The following GPA33 variants were observed in gnomAD, a reference collection of about 807,000 sequenced individuals.
GPA33 encodes cell surface A33 antigen.
In GPA33, 27 loss-of-function variants were observed where a neutral mutation model predicts 35.6. The observed-to-expected ratio is 0.76, with a 90% CI of 0.56 to 1.04. The LOEUF (loss-of-function observed/expected upper bound fraction) is 1.04. GPA33 is among the 50% of genes least tolerant of loss of function. The pLI is 0.00. For synonymous variants in GPA33, 176 were observed against 164.0 expected (o/e 1.07, Z -0.56); for missense variants, 428 against 411.9 (o/e 1.04, Z -0.34).
chr1:167,078,232 C>G (rs145781420), intron 1 of GPA33, among the ~76,000 whole-genome samples: 160 of 152,328 alleles, frequency 1.1e-3, no homozygotes, highest in African/African-American at 3.6e-3. Flanking sequence ...AAACCAGCCC[C>G]CTGCTCTACT....
intron 2 of GPA33, among the ~76,000 whole-genome samples, chr1:167,071,656 C>T (rs1010314886): frequency 3.3e-5 from 5 of 152,100 alleles, no homozygotes; most frequent in East Asian, 3.9e-4. Flanking sequence ...CCATGGATAC[C>T]GGTCCTTCCC....
intron 1 of GPA33, chr1:167,082,455 C>T (rs1666968633): frequency 2.6e-6 from 1 of 380,084 alleles, no homozygotes; most frequent in South Asian, 2.0e-5. Flanking sequence ...ACAGAGGATC[C>T]TGAGCAGATT....
intron 1 of GPA33, among the ~76,000 whole-genome samples, chr1:167,088,529 G>A (rs3820389): frequency 0.41 from 62,619 of 152,032 alleles, 13,268 homozygotes; most frequent in Middle Eastern, 0.46. Context: ...GGGATGGGGC[G>A]GAGGTAGAAG....
At position 167,073,437 on chromosome 1, in the gene GPA33, G is replaced by T. The variant is rs756187991; in HGVS notation, c.146C>A (p.Thr49Asn). Residue 49 changes from threonine to asparagine, a missense_variant, in exon 2 of 7, where the codon ACC becomes AAC. Coordinates refer to ENST00000367868, the MANE Select transcript of GPA33 (RefSeq NM_005814.3). ...VTLPCTYHTS[T>N]SSREGLIQWD... ...TTGAATAAGTCCCTCTCGACTGGAG[G>T]TGGAAGTGTGGTAGGTGCAGGGCAG... The T allele has an allele frequency of 4.3e-6, 7 of 1,613,592 alleles. No homozygotes were observed. The highest frequency in any genetic ancestry group is 3.4e-6 in the Non-Finnish European group (4 of 1,179,582).
Position 167,069,249 on chromosome 1 carries a change from C to A in GPA33, c.199-111G>T. 4.6e-6 allele frequency: 3 copies of A among 649,550 alleles called. No homozygotes were observed. In the South Asian group the frequency reaches 5.5e-5, roughly 12 times the overall value. 40.2% of individuals were successfully genotyped at this position (649,550 alleles called of 1,614,324 possible). On this transcript the variant is annotated intron_variant, in intron 2 of 6. Transcript: ENST00000367868. ...AGTTTCCAGGGCCCAGAAGCACAGACCTGCCAACCCCTCAGAACAAATAGC... is the reference window on the plus strand; with the variant it reads ...AGTTTCCAGGGCCCAGAAGCACAGAACTGCCAACCCCTCAGAACAAATAGC...
At chr1:167,066,656 T>C (rs1271372664) in intron 3 of GPA33, among the ~76,000 whole-genome samples, 1 of 152,154 alleles carries the variant, frequency 6.6e-6, no homozygotes, top group Admixed American at 6.5e-5. Flanking sequence ...TCCGGGGGAC[T>C]CGGTATATTA....
intron 4 of GPA33, among the ~76,000 whole-genome samples, chr1:167,062,127 A>T (rs1210606633): frequency 7.9e-5 from 12 of 152,090 alleles, no homozygotes; most frequent in Non-Finnish European, 1.5e-5. Flanking sequence ...GCTAAATCGG[A>T]TGGACACCTT....
intron 5 of GPA33, 54 bp from the exon 6 acceptor site, chr1:167,055,165 C>G (rs1272014212): frequency 1.9e-6 from 3 of 1,590,042 alleles, no homozygotes. Flanking sequence ...AGCTCCGGGT[C>G]TCCTCCCAGC....
At chr1:167,077,470 T>C (rs1462870763) in intron 1 of GPA33, among the ~76,000 whole-genome samples, 1 of 152,178 alleles carries the variant, frequency 6.6e-6, no homozygotes, top group Non-Finnish European at 1.5e-5. Flanking sequence ...CTCTTGGGCC[T>C]CTCCATGAAC....
chr1:167,063,832 T>G (rs1666527177), intron 3 of GPA33, 95 bp from the exon 4 acceptor site: 3 of 820,598 alleles, frequency 3.7e-6, no homozygotes, highest in Non-Finnish European at 5.5e-6. Flanking sequence ...ACACATATAC[T>G]GCCTTGTTTG....
chr1:167,060,166 C>T (rs1317858989), intron 4 of GPA33, among the ~76,000 whole-genome samples: 1 of 152,194 alleles, frequency 6.6e-6, no homozygotes, highest in Admixed American at 6.5e-5. Context: ...CTCTGCCTTC[C>T]AGGCCCAAGG....
intron 1 of GPA33, among the ~76,000 whole-genome samples, chr1:167,084,903 C>T (rs1295946052): frequency 2.6e-5 from 4 of 152,184 alleles, no homozygotes; most frequent in Non-Finnish European, 5.9e-5. Flanking sequence ...CAGATGACTG[C>T]TAGGTTTCTG....
At chr1:167,075,058 C>T (rs191585279) in intron 1 of GPA33, among the ~76,000 whole-genome samples, 7 of 151,736 alleles carry the variant, frequency 4.6e-5, no homozygotes, top group African/African-American at 7.3e-5. Context: ...TGCACCACCA[C>T]GCCCAGCTAA....
intron 1 of GPA33, among the ~76,000 whole-genome samples, chr1:167,088,507 G>C (rs1265173858): frequency 2.0e-5 from 3 of 152,206 alleles, no homozygotes; most frequent in Non-Finnish European, 4.4e-5. Flanking sequence ...TGCTGGGCAG[G>C]CTGTGGTGGG....
intron 1 of GPA33, 117 bp downstream of exon 1, chr1:167,090,128 C>T (rs1185144568): frequency 2.4e-5 from 18 of 758,862 alleles, no homozygotes; most frequent in Non-Finnish European, 3.8e-5. Context: ...CCAGCAGGAA[C>T]GCAGCTGTGT....
At chr1:167,090,206 C>T (rs200361689) in intron 1 of GPA33, 39 bp downstream of exon 1, 388 of 1,530,700 alleles carry the variant, frequency 2.5e-4, no homozygotes, top group Middle Eastern at 1.7e-4. Context: ...CCATGTCTCA[C>T]CCACCCCTGG....
chr1:167,082,903 C>T (rs773423085), intron 1 of GPA33, among the ~76,000 whole-genome samples: 2 of 152,092 alleles, frequency 1.3e-5, no homozygotes, highest in Non-Finnish European at 2.9e-5. Context: ...GGAAACACCT[C>T]AGGAAGGAGG....
At chr1:167,062,359 G>C (rs1666475578) in intron 4 of GPA33, among the ~76,000 whole-genome samples, 1 of 151,892 alleles carries the variant, frequency 6.6e-6, no homozygotes, top group African/African-American at 2.4e-5. Flanking sequence ...GGGACTAAAG[G>C]GTGAGTCCTG....
intron 1 of GPA33, among the ~76,000 whole-genome samples, chr1:167,074,970 C>A (rs571822517): frequency 2.1e-5 from 3 of 142,858 alleles, no homozygotes; most frequent in African/African-American, 8.0e-5. Context: ...TGCAGTGGCT[C>A]GATCTTGAAT....
Sources: allele counts gnomAD v4.1 joint callset (sites outside exome capture counted in the v4.1 genomes callset), GRCh38; gene constraint gnomAD v4.1.1; transcripts MANE v1.5; gene names NCBI Gene and HGNC (gene_info 2026-07-23, HGNC 2026-07-21).